Variants in SLC16A2 observed in about 807,000 individuals in gnomAD.
SLC16A2 encodes the protein monocarboxylate transporter 8.
In SLC16A2, 3 loss-of-function variants were observed where a neutral mutation model predicts 27.2. The observed-to-expected ratio is 0.11, with a 90% CI of 0.05 to 0.28. SLC16A2 has a LOEUF of 0.28. SLC16A2 is among the 10% of genes least tolerant of loss of function. SLC16A2 has a pLI of 1.00. For missense variants in SLC16A2, 295 were observed against 458.5 expected (o/e 0.64, Z 3.26); for synonymous variants, 202 against 187.8 (o/e 1.08, Z -0.62).
At chrX:74,450,485 C>T (rs1486610223) in intron 1 of SLC16A2, among the ~76,000 whole-genome samples, 4 of 111,391 alleles carry the variant, frequency 3.6e-5, no homozygotes, top group Non-Finnish European at 7.5e-5. Flanking sequence ...ATTCTGTGAT[C>T]CGTACTCTTG....
At chrX:74,446,644 CA>C (rs936923183) in intron 1 of SLC16A2, among the ~76,000 whole-genome samples, 1 of 109,782 alleles carries the variant, frequency 9.1e-6, no homozygotes, top group African/African-American at 3.3e-5. Flanking sequence ...AACAAACAAA[CA>C]AAACAACCAA....
At chrX:74,443,073 T>G (rs561572201) in intron 1 of SLC16A2, among the ~76,000 whole-genome samples, 3 of 112,172 alleles carry the variant, frequency 2.7e-5, no homozygotes, top group Non-Finnish European at 3.8e-5. Flanking sequence ...GAGAACCTAC[T>G]GCATGCTAGA....
chrX:74,453,073 G>A (rs1279136026), intron 1 of SLC16A2, among the ~76,000 whole-genome samples: 1 of 106,317 alleles, frequency 9.4e-6, no homozygotes, highest in African/African-American at 3.4e-5. Context: ...TTTTAGACAG[G>A]GTCTCGCTCT....
At chrX:74,526,499 C>G (rs1930489167) in intron 4 of SLC16A2, among the ~76,000 whole-genome samples, 1 of 112,342 alleles carries the variant, frequency 8.9e-6, no homozygotes, top group African/African-American at 3.2e-5. Context: ...AAGTGCCCTC[C>G]TAAGTACCCT....
chrX:74,446,231 C>T (rs906555513), intron 1 of SLC16A2, among the ~76,000 whole-genome samples: 2 of 111,582 alleles, frequency 1.8e-5, no homozygotes, highest in Non-Finnish European at 3.8e-5. Context: ...GCATGGTCTG[C>T]CTCATCTGTG....
chrX:74,496,060 C>A (rs1487691797), intron 1 of SLC16A2, among the ~76,000 whole-genome samples: 1 of 111,476 alleles, frequency 9.0e-6, no homozygotes, highest in Admixed American at 9.5e-5. Context: ...GATAAGGAAG[C>A]AGGAACTTTC....
intron 1 of SLC16A2, among the ~76,000 whole-genome samples, chrX:74,519,731 CAAAA>C (rs1192582302): frequency 1.3e-5 from 1 of 75,399 alleles, no homozygotes. Flanking sequence ...AAAAAAAAAA[CAAAA>C]AAAAAACGAA....
intron 1 of SLC16A2, among the ~76,000 whole-genome samples, chrX:74,462,656 A>G (rs187129205): frequency 1.8e-5 from 2 of 111,747 alleles, no homozygotes; most frequent in Admixed American, 1.9e-4. Context: ...CAACTTCTGT[A>G]CTGAGCCTTC....
intron 4 of SLC16A2, among the ~76,000 whole-genome samples, chrX:74,527,366 G>T (rs192438096): frequency 8.9e-6 from 1 of 112,754 alleles, no homozygotes; most frequent in Admixed American, 9.3e-5. Context: ...GACAATGGAT[G>T]AACTTCTTTC....
At chrX:74,498,662 G>A (rs1271659742) in intron 1 of SLC16A2, among the ~76,000 whole-genome samples, 6 of 111,954 alleles carry the variant, frequency 5.4e-5, no homozygotes, top group Non-Finnish European at 9.4e-5. Flanking sequence ...TCTGTGCAAT[G>A]GGCAGGAAGA....
At chrX:74,460,596 G>A (rs968847081) in intron 1 of SLC16A2, among the ~76,000 whole-genome samples, 5 of 112,428 alleles carry the variant, frequency 4.4e-5, no homozygotes, top group East Asian at 2.8e-4. Flanking sequence ...TTGGCCTAGA[G>A]CCTGGCCTGT....
At chrX:74,463,623 T>C (rs907576158) in intron 1 of SLC16A2, among the ~76,000 whole-genome samples, 1 of 110,306 alleles carries the variant, frequency 9.1e-6, no homozygotes, top group South Asian at 3.9e-4. Flanking sequence ...TCCTCCCGGG[T>C]TCATGCCATT....
rs775989014 is a variant in SLC16A2, at chrX:74,496,831, C to T, written c.431-24159C>T. 3.6e-5 allele frequency among the ~76,000 whole-genome samples: 4 copies of T among 112,097 alleles called. No individual in the cohort carries two copies. In the South Asian group the frequency reaches 1.1e-3, roughly 32 times the overall value. ...GAATGGGAGGGTTTTCCCCTGGAGT[C>T]GGGTCGCTCAGTGGCCTGGGCTCTC... On this transcript the variant is annotated intron_variant, in intron 1 of 5. Transcript: ENST00000587091.
At chrX:74,477,087 G>C (rs767355165) in intron 1 of SLC16A2, 3 of 111,829 alleles carry the variant, frequency 2.7e-5, no homozygotes, top group African/African-American at 9.8e-5. Context: ...GGTAGAATTC[G>C]GCTGTGAATC....
chrX:74,529,036 A>G (rs1299006011), intron 4 of SLC16A2, among the ~76,000 whole-genome samples, 177 bp from the exon 5 acceptor site: 1 of 112,105 alleles, frequency 8.9e-6, no homozygotes, highest in African/African-American at 3.2e-5. Flanking sequence ...TGAATCCCTC[A>G]GTGCAAGACT....
At chrX:74,525,350 T>G (rs759225793) in intron 3 of SLC16A2, among the ~76,000 whole-genome samples, 1 of 112,365 alleles carries the variant, frequency 8.9e-6, no homozygotes, top group South Asian at 3.7e-4. Context: ...GCTTCATGTT[T>G]CCTAAAACAC....
chrX:74,524,812 G>A lies in SLC16A2; in HGVS notation c.1026+3G>A, dbSNP rs745351421. On this transcript the variant is annotated splice_donor_region_variant and intron_variant, in intron 3 of 5. Coordinates refer to ENST00000587091, the MANE Select transcript of SLC16A2 (RefSeq NM_006517.5). ...ACTTTGTTCCCTATGTACACCTGGT[G>A]AGGAATACCAGAGTGGGCCCACCCC... 1 of 1,205,117 alleles carries A rather than the reference G, an allele frequency of 8.3e-7. No individual in the cohort carries two copies. The highest frequency in any genetic ancestry group is 1.1e-6 in the Non-Finnish European group (1 of 892,827).
chrX:74,457,108 G>T (rs957278248), intron 1 of SLC16A2, among the ~76,000 whole-genome samples: 4 of 104,857 alleles, frequency 3.8e-5, no homozygotes, highest in Non-Finnish European at 6.0e-5. Context: ...AAAATCCTCT[G>T]GGGAGCTTAA....
chrX:74,461,457 A>G (rs1929142189), intron 1 of SLC16A2, among the ~76,000 whole-genome samples: 1 of 109,764 alleles, frequency 9.1e-6, no homozygotes. Flanking sequence ...TCTGTCTGTG[A>G]AAAAGAGGGA....
Sources: allele counts gnomAD v4.1 joint callset (sites outside exome capture counted in the v4.1 genomes callset), GRCh38; gene constraint gnomAD v4.1.1; transcripts MANE v1.5; gene names NCBI Gene and HGNC (gene_info 2026-07-23, HGNC 2026-07-21).